The following SDHA variants were observed in gnomAD, a reference collection of about 807,000 sequenced individuals.
SDHA encodes the protein succinate dehydrogenase complex flavoprotein subunit A, also known as succinate dehydrogenase [ubiquinone] flavoprotein subunit, mitochondrial.
SDHA carries 48 observed loss-of-function variants against 78.4 expected under a neutral mutation model. That is an observed-to-expected ratio of 0.61 (90% CI 0.49 to 0.78). The LOEUF is 0.78. Ranked by LOEUF, SDHA falls within the 30% of genes least tolerant of loss-of-function variation. The pLI is 0.00. For missense variants in SDHA, 680 were observed against 892.7 expected (o/e 0.76, Z 3.04); for synonymous variants, 326 against 353.9 (o/e 0.92, Z 0.88).
intron 11 of SDHA, among the ~76,000 whole-genome samples, chr5:243,081 G>A (rs145764136): frequency 2.1e-3 from 318 of 152,224 alleles, no homozygotes; most frequent in Non-Finnish European, 2.5e-3. Context: ...CACCTTGAGC[G>A]ACCCCTCTCA....
chr5:265,638 A>G, the SDHA span, among the ~76,000 whole-genome samples: 1 of 152,196 alleles, frequency 6.6e-6, no homozygotes, highest in Non-Finnish European at 1.5e-5. Flanking sequence ...CCTGGCCAAC[A>G]TAGTGAAACC....
At chr5:245,149 G>A (rs1038744872) in intron 11 of SDHA, among the ~76,000 whole-genome samples, 5 of 152,142 alleles carry the variant, frequency 3.3e-5, no homozygotes, top group African/African-American at 1.2e-4. Flanking sequence ...GGGACACATA[G>A]CTCCAACATT....
At chr5:261,754 C>T (rs1388392343), downstream of SDHA, among the ~76,000 whole-genome samples, 22 of 18,792 alleles carry the variant, frequency 1.2e-3, no homozygotes, top group Non-Finnish European at 2.1e-3. Context: ...AGAGCATTAC[C>T]GTGTGAGCTC....
intron 1 of SDHA, among the ~76,000 whole-genome samples, chr5:219,500 A>G (rs1357451946): frequency 6.6e-6 from 1 of 152,166 alleles, no homozygotes; most frequent in Non-Finnish European, 1.5e-5. Context: ...TAATTGTGCA[A>G]TTTTCTCCTT....
the SDHA span, among the ~76,000 whole-genome samples, chr5:264,314 C>G: frequency 0.22 from 33,268 of 152,124 alleles, 5,251 homozygotes; most frequent in African/African-American, 0.45. Flanking sequence ...CTTGGATTGT[C>G]TTCTGCAGGT....
chr5:249,014 T>G (rs1221163325), intron 11 of SDHA: 2 of 396,484 alleles, frequency 5.0e-6, no homozygotes, highest in Non-Finnish European at 9.6e-6. Flanking sequence ...AAAAAGCATC[T>G]AGAAGGACAC....
intron 9 of SDHA, chr5:235,570 A>G (rs1735725016): frequency 6.9e-6 from 4 of 579,168 alleles, no homozygotes; most frequent in Non-Finnish European, 6.2e-6. Flanking sequence ...AGCTTTTTCC[A>G]TTTTGTAATT....
rs1321986870 is a variant in SDHA at position 233,969 on chromosome 5, A to T, written c.1064+324A>T. 5 of 366,538 alleles carry T rather than the reference A, an allele frequency of 1.4e-5. No individual in the cohort carries two copies. The East Asian group carries it at 3.0e-4, about 22-fold the overall frequency. The allele number at this position is 366,538 out of a possible 1,614,324, so 22.7% of individuals were successfully genotyped here. On this transcript the variant is annotated intron_variant, in intron 8 of 14. Transcript: ENST00000264932. ...TGGGTGTTGTGTCTGATACCCACAG[A>T]TGTTTTTTGGCAGCTTTCAAAGTGT... is the stretch of plus-strand genomic sequence containing the variant.
At chr5:228,706 CCTT>C (rs557531824) in intron 6 of SDHA, among the ~76,000 whole-genome samples, 45 of 152,284 alleles carry the variant, frequency 3.0e-4, no homozygotes, top group African/African-American at 9.6e-4. Context: ...GTGGGTAAGT[CCTT>C]CTTCTCCACA....
intron 5 of SDHA, among the ~76,000 whole-genome samples, chr5:226,812 C>T (rs1735057143): frequency 6.6e-6 from 1 of 150,792 alleles, no homozygotes; most frequent in Non-Finnish European, 1.5e-5. Flanking sequence ...ACCTGTAGTC[C>T]CAGCTGCTTG....
At chr5:242,423 G>C (rs2126608988) in intron 11 of SDHA, among the ~76,000 whole-genome samples, 1 of 152,348 alleles carries the variant, frequency 6.6e-6, no homozygotes, top group East Asian at 1.9e-4. Flanking sequence ...TCCTGCTGCA[G>C]ATAACTAGCC....
At chr5:236,707 C>T (rs946586972) in intron 10 of SDHA, 108 bp downstream of exon 10, 29 of 1,073,750 alleles carry the variant, frequency 2.7e-5, no homozygotes, top group Non-Finnish European at 3.3e-5. Flanking sequence ...TGCAGTGGCA[C>T]AGTCATAGCA....
chr5:231,042 G>A (rs1385907144), intron 7 of SDHA, 42 bp downstream of exon 7: 1 of 1,612,070 alleles, frequency 6.2e-7, no homozygotes, highest in South Asian at 1.1e-5. Context: ...TGGCTTGTGT[G>A]TGTCTTGTAA....
chr5:241,451 G>A (rs1736134359), intron 11 of SDHA, among the ~76,000 whole-genome samples: 1 of 152,312 alleles, frequency 6.6e-6, no homozygotes, highest in South Asian at 2.1e-4. Context: ...GAGAGTGGGC[G>A]GCAGGTGGAA....
chr5:261,658 C>T (rs370880139), downstream of SDHA, among the ~76,000 whole-genome samples: 906 of 54,820 alleles, frequency 0.017, no homozygotes, highest in Admixed American at 0.037. Flanking sequence ...AGAGCATTAC[C>T]GTGTGAGCTC....
chr5:227,970 C>T, intron 5 of SDHA: 1 of 547,436 alleles, frequency 1.8e-6, no homozygotes. Context: ...GGAGCTGTTG[C>T]TGCTGCGTTC....
At chr5:220,149 TGTG>T (rs1434525819) in intron 1 of SDHA, 1 of 260,516 alleles carries the variant, frequency 3.8e-6, no homozygotes, top group Non-Finnish European at 8.3e-6. Flanking sequence ...TGGCCAGTTC[TGTG>T]GTGTTTTGAT....
At chr5:239,969 A>T (rs1736039546) in intron 10 of SDHA, among the ~76,000 whole-genome samples, 1 of 152,106 alleles carries the variant, frequency 6.6e-6, no homozygotes, top group Non-Finnish European at 1.5e-5. Flanking sequence ...AGGTTTTGCC[A>T]TGTTGGCCAG....
chr5:230,786 G>A (rs747262841), intron 6 of SDHA, 90 bp from the exon 7 acceptor site: 3 of 1,557,932 alleles, frequency 1.9e-6, no homozygotes, highest in Admixed American at 1.7e-5. Context: ...AGACGGTGCT[G>A]GGGGCTGCCG....
Sources: gnomAD v4.1 joint callset for allele counts (sites outside exome capture counted in the v4.1 genomes callset) on GRCh38, gnomAD v4.1.1 for gene constraint, MANE v1.5 for transcripts, NCBI Gene and HGNC (gene_info 2026-07-23, HGNC 2026-07-21) for gene names.